The following CPEB3 variants were observed in gnomAD, a reference collection of about 807,000 sequenced individuals.
CPEB3 encodes cytoplasmic polyadenylation element-binding protein 3.
In CPEB3, 20 loss-of-function variants were observed where a neutral mutation model predicts 67.2. That is an observed-to-expected ratio of 0.30 (90% CI 0.21 to 0.43). The LOEUF (loss-of-function observed/expected upper bound fraction) is 0.43. CPEB3 is among the 20% of genes least tolerant of loss of function. The probability of loss-of-function intolerance (pLI) is 1.00; values close to 1 mark genes in which losing one functional copy is unlikely to be tolerated. For missense variants in CPEB3, 746 were observed against 968.6 expected (o/e 0.77, Z 3.05); for synonymous variants, 376 against 393.1 (o/e 0.96, Z 0.51).
intron 4 of CPEB3, among the ~76,000 whole-genome samples, chr10:92,155,632 G>T (rs950681309): frequency 2.0e-5 from 3 of 152,126 alleles, no homozygotes; most frequent in East Asian, 3.9e-4. Flanking sequence ...TTTCATTACA[G>T]AAAGGCAACA....
intron 7 of CPEB3, among the ~76,000 whole-genome samples, chr10:92,099,362 G>T (rs1161581607): frequency 6.6e-6 from 1 of 150,930 alleles, no homozygotes; most frequent in Non-Finnish European, 1.5e-5. Context: ...ATGTTGCCCA[G>T]GCTGATCTTG....
At chr10:92,187,432 A>G (rs1848744409) in intron 3 of CPEB3, among the ~76,000 whole-genome samples, 1 of 152,248 alleles carries the variant, frequency 6.6e-6, no homozygotes, top group African/African-American at 2.4e-5. Flanking sequence ...ATAGTCAGCC[A>G]GGACTATTTT....
chr10:92,120,132 C>T (rs1315496503), intron 6 of CPEB3, among the ~76,000 whole-genome samples: 2 of 119,134 alleles, frequency 1.7e-5, no homozygotes, highest in African/African-American at 3.5e-5. Context: ...ATTGCTACGC[C>T]GGGTGCGGTG....
chr10:92,075,390 T>C (rs904666335), intron 9 of CPEB3, among the ~76,000 whole-genome samples: 4 of 152,198 alleles, frequency 2.6e-5, no homozygotes, highest in African/African-American at 9.6e-5. Flanking sequence ...AGGCTGTACA[T>C]TAAAACACCT....
chr10:92,117,133 TCTG>T (rs1845072059), intron 6 of CPEB3, among the ~76,000 whole-genome samples: 1 of 149,148 alleles, frequency 6.7e-6, no homozygotes, highest in African/African-American at 2.5e-5. Context: ...CAAGCAATTC[TCTG>T]CCTCAGCCTC....
intron 4 of CPEB3, among the ~76,000 whole-genome samples, chr10:92,168,951 A>G (rs946754692): frequency 6.6e-6 from 1 of 151,324 alleles, no homozygotes; most frequent in Non-Finnish European, 1.5e-5. Flanking sequence ...GCATGCCACT[A>G]TGCCCAGCTA....
chr10:92,072,543 GTTC>G (rs1257719825), intron 9 of CPEB3, among the ~76,000 whole-genome samples: 1 of 152,174 alleles, frequency 6.6e-6, no homozygotes, highest in Non-Finnish European at 1.5e-5. Flanking sequence ...TTAGGCTGGT[GTTC>G]TTATTACCTC....
intron 7 of CPEB3, among the ~76,000 whole-genome samples, chr10:92,104,379 C>CTTTTT (rs397845791): frequency 7.9e-6 from 1 of 127,228 alleles, no homozygotes; most frequent in Non-Finnish European, 1.6e-5. Flanking sequence ...GGAAATGCAA[C>CTTTTT]TTTTTTTTTT....
chr10:92,116,509 C>G (rs1845036673), intron 6 of CPEB3, among the ~76,000 whole-genome samples: 1 of 151,792 alleles, frequency 6.6e-6, no homozygotes, highest in Non-Finnish European at 1.5e-5. Flanking sequence ...AAAGTAAAAA[C>G]CAATTATGCC....
intron 1 of CPEB3, among the ~76,000 whole-genome samples, chr10:92,270,262 C>T (rs189925861): frequency 2.0e-5 from 3 of 152,290 alleles, no homozygotes; most frequent in Admixed American, 2.0e-4. Context: ...AAGTAGCAGA[C>T]ATATGAAACC....
chr10:92,108,676 G>C (rs571106606), intron 7 of CPEB3, among the ~76,000 whole-genome samples: 11 of 152,306 alleles, frequency 7.2e-5, no homozygotes, highest in African/African-American at 2.4e-4. Context: ...AATTCACCAA[G>C]CTACAATAAA....
intron 9 of CPEB3, among the ~76,000 whole-genome samples, chr10:92,060,077 C>A (rs1329503557): frequency 1.3e-5 from 2 of 151,936 alleles, no homozygotes; most frequent in Admixed American, 1.3e-4. Flanking sequence ...AAACCCTCAG[C>A]TGAATGCAGT....
intron 8 of CPEB3, among the ~76,000 whole-genome samples, chr10:92,089,244 T>C (rs908334079): frequency 6.6e-6 from 1 of 152,198 alleles, no homozygotes; most frequent in African/African-American, 2.4e-5. Context: ...CCTAGGATTA[T>C]ACATAAAAGT....
intron 7 of CPEB3, among the ~76,000 whole-genome samples, chr10:92,094,120 G>T (rs1284332766): frequency 2.0e-5 from 3 of 152,034 alleles, no homozygotes; most frequent in Non-Finnish European, 1.5e-5. Flanking sequence ...CTCCCAAAGT[G>T]CTGGGATTAC....
chr10:92,189,770 G>A (rs1196123494), intron 3 of CPEB3, among the ~76,000 whole-genome samples: 13 of 138,814 alleles, frequency 9.4e-5, no homozygotes, highest in African/African-American at 1.3e-4. Flanking sequence ...GTACAGTGGC[G>A]CAATCTCGGT....
chr10:92,112,962 G>C (rs1224746263), intron 6 of CPEB3, among the ~76,000 whole-genome samples: 1 of 152,204 alleles, frequency 6.6e-6, no homozygotes, highest in Non-Finnish European at 1.5e-5. Flanking sequence ...AACATGTAAT[G>C]ACAGTGGCAA....
At chr10:92,124,509 A>T (rs1347628113) in intron 6 of CPEB3, among the ~76,000 whole-genome samples, 1 of 152,232 alleles carries the variant, frequency 6.6e-6, no homozygotes. Flanking sequence ...TTTACAAGAA[A>T]ATCCTTCCTG....
intron 4 of CPEB3, among the ~76,000 whole-genome samples, chr10:92,171,088 G>A (rs534945027): frequency 6.6e-6 from 1 of 152,334 alleles, no homozygotes; most frequent in East Asian, 1.9e-4. Flanking sequence ...GTTGGTCAGT[G>A]TTGTCTTCTC....
intron 3 of CPEB3, among the ~76,000 whole-genome samples, chr10:92,191,026 C>A (rs1408619189): frequency 6.6e-6 from 1 of 152,152 alleles, no homozygotes; most frequent in Non-Finnish European, 1.5e-5. Context: ...GAATAATACA[C>A]CATCACAATC....
Sources: allele counts gnomAD v4.1 joint callset (sites outside exome capture counted in the v4.1 genomes callset), GRCh38; gene constraint gnomAD v4.1.1; transcripts MANE v1.5; gene names NCBI Gene and HGNC (gene_info 2026-07-23, HGNC 2026-07-21).